The following CEP162 variants were observed in gnomAD, a reference collection of about 807,000 sequenced individuals.
The protein encoded by CEP162 is centrosomal protein 162, also known as centrosomal protein of 162 kDa.
A neutral mutation model predicts 169.2 loss-of-function variants in CEP162; 141 were observed. The observed-to-expected ratio is 0.83, with a 90% CI of 0.73 to 0.96. The LOEUF (loss-of-function observed/expected upper bound fraction) is 0.96, where lower values mean the gene tolerates loss of function less well. Among genes scored for constraint, CEP162 ranks in the 40% least tolerant of loss-of-function variants. The pLI is 0.00. For missense variants in CEP162, 1,600 were observed against 1,587.2 expected (o/e 1.01, Z -0.14); for synonymous variants, 540 against 526.4 (o/e 1.03, Z -0.35).
intron 6 of CEP162, among the ~76,000 whole-genome samples, chr6:84,204,818 T>G (rs2099546076): frequency 6.6e-6 from 1 of 151,866 alleles, no homozygotes; most frequent in Non-Finnish European, 1.5e-5. Context: ...TCAACAAAAT[T>G]GATAGACTGC....
At chr6:84,217,191 AT>A (rs781054766) in intron 3 of CEP162, among the ~76,000 whole-genome samples, 3 of 152,182 alleles carry the variant, frequency 2.0e-5, no homozygotes, top group South Asian at 2.1e-4. Context: ...AAAAACAAAA[AT>A]CCCTGCTTAT....
Position 84,202,270 on chromosome 6 carries a change from T to C in CEP162, c.688-503A>G, listed in dbSNP as rs569725279. ...CAGCTAGACAGCTGAAGTTCTTCAA[T>C]ATTAGAGGTTCCCTTAGAATAACTT... On this transcript the variant is annotated intron_variant, in intron 7 of 26. Transcript: ENST00000403245. 3.3e-5 allele frequency among the ~76,000 whole-genome samples: 5 copies of C among 152,290 alleles called. No individual in the cohort carries two copies. In the East Asian group the frequency reaches 7.7e-4, roughly 24 times the overall value.
At chr6:84,126,320 A>T (rs555481178) in intron 26 of CEP162, 58 bp downstream of exon 26, 282 of 1,315,062 alleles carry the variant, frequency 2.1e-4, no homozygotes, top group Admixed American at 4.4e-4. Context: ...AACTATAGCA[A>T]ATTAAAGGCA....
At chr6:84,148,134 G>C (rs138616074) in intron 24 of CEP162, among the ~76,000 whole-genome samples, 3,993 of 152,192 alleles carry the variant, frequency 0.026, 164 homozygotes, top group African/African-American at 0.092. Flanking sequence ...GGCCAGAGAG[G>C]TTCTCTGTAA....
rs746963589 is a variant in CEP162, at chr6:84,169,362, A to AAAG, written c.2350_2351insCTT (p.Asn783_Phe784insSer). The AAAG allele has an allele frequency of 2.5e-5, 40 of 1,583,606 alleles. No homozygotes were observed. The highest frequency in any genetic ancestry group is 3.3e-5 in the Non-Finnish European group (38 of 1,163,696). Reference sequence around the variant, plus strand: ...CCGTAGTTCTGCTAACAGATCTGTAAAATTCTGATTTCTTGTGGGCTCTGA... The same window carrying AAAG: ...CCGTAGTTCTGCTAACAGATCTGTAAAAGAATTCTGATTTCTTGTGGGCTCTGA... On this transcript the variant is annotated inframe_insertion, in exon 18 of 27. Coordinates refer to ENST00000403245, the MANE Select transcript of CEP162 (RefSeq NM_014895.4).
At chr6:84,219,471 A>G (rs1200024452) in intron 3 of CEP162, among the ~76,000 whole-genome samples, 1 of 152,192 alleles carries the variant, frequency 6.6e-6, no homozygotes, top group African/African-American at 2.4e-5. Context: ...TAGGTTGTAT[A>G]TATCTGCTCT....
intron 13 of CEP162, among the ~76,000 whole-genome samples, chr6:84,176,719 T>C (rs1277921144): frequency 6.6e-6 from 1 of 152,140 alleles, no homozygotes; most frequent in Non-Finnish European, 1.5e-5. Flanking sequence ...CAATGAAATC[T>C]GAAATTTGAA....
chr6:84,178,475 T>G (rs2099533294), intron 13 of CEP162, among the ~76,000 whole-genome samples: 1 of 152,198 alleles, frequency 6.6e-6, no homozygotes, highest in South Asian at 2.1e-4. Context: ...TTTACTTTTT[T>G]GGTAATAATT....
At chr6:84,150,311 A>C (rs1168517558) in intron 23 of CEP162, among the ~76,000 whole-genome samples, 3 of 152,166 alleles carry the variant, frequency 2.0e-5, no homozygotes, top group African/African-American at 7.2e-5. Flanking sequence ...TAAAATTATA[A>C]ATAAAGATTT....
At chr6:84,174,334 G>T in intron 15 of CEP162, 146 bp from the exon 16 acceptor site, 1 of 721,214 alleles carries the variant, frequency 1.4e-6, no homozygotes, top group Non-Finnish European at 2.2e-6. Context: ...AGTTAAATCA[G>T]CAAAGTGCTG....
At chr6:84,201,049 C>T (rs935554237) in intron 8 of CEP162, 144 bp from the exon 9 acceptor site, 28 of 403,146 alleles carry the variant, frequency 6.9e-5, no homozygotes, top group Middle Eastern at 1.5e-3. Context: ...GAGGCCAAGG[C>T]GGGCAGATCA....
chr6:84,212,477 T>C (rs1244666316), intron 6 of CEP162, among the ~76,000 whole-genome samples: 2 of 151,962 alleles, frequency 1.3e-5, no homozygotes, highest in Non-Finnish European at 1.5e-5. Flanking sequence ...TGAAAGTAGA[T>C]TGTGATAAGG....
At chr6:84,155,196 G>T in intron 22 of CEP162, 102 bp downstream of exon 22, 1 of 894,586 alleles carries the variant, frequency 1.1e-6, no homozygotes, top group Non-Finnish European at 1.7e-6. Flanking sequence ...AAGGTTTCAT[G>T]GGAAAGAATG....
In CEP162 at chr6:84,226,376, T is replaced by C. The variant is rs746767384; in HGVS notation, c.18A>G (p.Gln6=). 3.2e-6 allele frequency: 5 copies of C among 1,569,202 alleles called. No homozygotes were observed. The highest frequency in any genetic ancestry group is 1.7e-6 in the Non-Finnish European group (2 of 1,154,432). The change falls in exon 2 of 27, where the codon CAA becomes CAG. Residue 6 remains glutamine, a synonymous_variant. Transcript: ENST00000403245. The stretch of plus-strand genomic sequence containing the variant: ...GTTCAAACTCTTCATCTAGCTCTTC[T>C]TGGGAACAGTTAGCCATAGTCAACA... The part of the protein sequence containing the change: MANCS[Q]EELDEEFEQF...
In CEP162 at chr6:84,125,175, G is replaced by T. The variant is rs1341008730; in HGVS notation, c.4107C>A (p.Phe1369Leu). 1 of 1,613,466 alleles carries T rather than the reference G, an allele frequency of 6.2e-7. No individual in the cohort carries two copies. The highest frequency in any genetic ancestry group is 1.3e-5 in the African/African-American group (1 of 74,888). Residue 1369 changes from phenylalanine to leucine, a missense_variant, in exon 27 of 27, where the codon TTC (phenylalanine) becomes TTA (leucine). Transcript: ENST00000403245. ...CTAATATTGAGTCTAGTTCTGTGCG[G>T]AACTTCTCCAGCTCACGATTCTTTA... ...AQLKNRELEKFRTELDSILDV... is the reference protein window; with the variant it reads ...AQLKNRELEKLRTELDSILDV...
chr6:84,206,145 C>G (rs1294101862), intron 6 of CEP162, among the ~76,000 whole-genome samples: 10 of 149,192 alleles, frequency 6.7e-5, no homozygotes, highest in Non-Finnish European at 1.0e-4. Context: ...CCATACTGCC[C>G]AAGGTAATTT....
intron 18 of CEP162, among the ~76,000 whole-genome samples, chr6:84,166,733 T>G (rs2099527984): frequency 6.6e-6 from 1 of 152,180 alleles, no homozygotes. Flanking sequence ...CCACCCATAC[T>G]TTATAACCAA....
At chr6:84,223,398 C>T (rs958011781) in intron 2 of CEP162, among the ~76,000 whole-genome samples, 1 of 151,788 alleles carries the variant, frequency 6.6e-6, no homozygotes, top group African/African-American at 2.4e-5. Context: ...ACTCAGGAGG[C>T]TGACGCAGGA....
chr6:84,222,971 T>C (rs893782155), intron 2 of CEP162, among the ~76,000 whole-genome samples: 5 of 152,258 alleles, frequency 3.3e-5, no homozygotes, highest in African/African-American at 1.2e-4. Flanking sequence ...CATCACTTTT[T>C]ACTTACTCTC....
Sources: gnomAD v4.1 joint callset for allele counts (sites outside exome capture counted in the v4.1 genomes callset) on GRCh38, gnomAD v4.1.1 for gene constraint, MANE v1.5 for transcripts, NCBI Gene and HGNC (gene_info 2026-07-23, HGNC 2026-07-21) for gene names.